The following SPART variants were observed in gnomAD, a reference collection of about 807,000 sequenced individuals.
SPART encodes spastic paraplegia 20 (Troyer syndrome).
SPART carries 35 observed loss-of-function variants against 58.7 expected under a neutral mutation model. That is an observed-to-expected ratio of 0.60 (90% confidence interval 0.46 to 0.79). SPART has a LOEUF of 0.79. Ranked by LOEUF, SPART falls within the 30% of genes least tolerant of loss-of-function variation. SPART has a pLI of 0.00. For missense variants in SPART, 730 were observed against 786.1 expected (o/e 0.93, Z 0.85); for synonymous variants, 284 against 280.7 (o/e 1.01, Z -0.12).
intron 1 of SPART, among the ~76,000 whole-genome samples, chr13:36,342,870 C>T (rs1884711061): frequency 6.6e-6 from 1 of 152,190 alleles, no homozygotes. Flanking sequence ...GCCCATTGTC[C>T]AGTTATCATG....
At position 36,314,318 on chromosome 13, in the gene SPART, T is replaced by G. The variant is rs1449679016; in HGVS notation, c.1392A>C (p.Glu464Asp). 6.2e-7 allele frequency: 1 copy of G among 1,614,206 alleles called. No individual in the cohort carries two copies. The change falls in exon 6 of 9, where the codon GAA becomes GAC. Residue 464 changes from glutamate (E) to aspartate (D), a missense_variant. By Grantham distance (45) the Glu-to-Asp change is conservative (BLOSUM62 2). Transcript: ENST00000438666. ...CAGCTGGACTAACTTCCACGGGTTT[T>G]TCTTCTGGTTGAATCCGCTCTCGGA... ...SKLRERIQPE[E>D]KPVEVSPAVT... is the part of the protein sequence containing the mutation.
At chr13:36,364,443 A>G (rs1885981456) in intron 1 of SPART, among the ~76,000 whole-genome samples, 1 of 152,094 alleles carries the variant, frequency 6.6e-6, no homozygotes, top group Non-Finnish European at 1.5e-5. Context: ...ACCTCCACAT[A>G]ATAAAAAGAG....
intron 1 of SPART, chr13:36,365,848 G>A (rs201870150): frequency 4.5e-6 from 1 of 223,430 alleles, no homozygotes; most frequent in Admixed American, 6.1e-5. Flanking sequence ...TTGGAGGTAA[G>A]AGCTCATCTT....
chr13:36,326,627 C>A lies in SPART; in HGVS notation c.1236G>T (p.Lys412Asn), dbSNP rs143131508. The A allele has an allele frequency of 6.2e-7, 1 of 1,613,442 alleles. No individual in the cohort carries two copies. Among genetic ancestry groups the A allele is most frequent in the East Asian group, 2.2e-5 (1 of 44,772 alleles). ...CACTCCATTCAGGTAATTCTTTTGG[C>A]TTTTCTTCTGGAACTGGCTCACATG... Reference protein sequence around the residue: ...IVPCEPVPEEKPKELPEWSEK... With the variant: ...IVPCEPVPEENPKELPEWSEK... Residue 412 changes from lysine (K) to asparagine (N), a missense_variant, in exon 5 of 9, where the codon AAG (lysine) becomes AAT (asparagine). Coordinates refer to ENST00000438666, the MANE Select transcript of SPART (RefSeq NM_015087.5).
intron 1 of SPART, among the ~76,000 whole-genome samples, chr13:36,342,395 A>C (rs1884665155): frequency 6.6e-6 from 1 of 152,242 alleles, no homozygotes; most frequent in Non-Finnish European, 1.5e-5. Context: ...AACAGAGATC[A>C]TACATGGCCC....
intron 1 of SPART, among the ~76,000 whole-genome samples, chr13:36,356,291 G>C (rs1885619556): frequency 6.6e-6 from 1 of 152,210 alleles, no homozygotes; most frequent in South Asian, 2.1e-4. Context: ...ACTCTGCTTG[G>C]AGTCTGTAAG....
intron 6 of SPART, among the ~76,000 whole-genome samples, chr13:36,312,960 T>C (rs1881286017): frequency 6.6e-6 from 1 of 151,982 alleles, no homozygotes; most frequent in African/African-American, 2.4e-5. Flanking sequence ...CTCAGTTATC[T>C]CGGTGAATAA....
rs1458673409 is a variant in SPART, at chr13:36,361,121, TTTC to T, written c.-3+8965_-3+8967del. Among the ~76,000 whole-genome samples the T allele has an allele frequency of 8.5e-5, 13 of 152,304 alleles. 1 individual carries two copies. In the South Asian group the frequency reaches 2.1e-3, roughly 24 times the overall value. On this transcript the variant is annotated intron_variant, in intron 1 of 8. Transcript: ENST00000355182. The stretch of plus-strand genomic sequence containing the variant: ...TTTCAACATTAATATAATGTAACTG[TTTC>T]CAGGTGGAAGCAAACCAACTTATAT...
chr13:36,366,737 C>A (rs563126477), intron 1 of SPART, among the ~76,000 whole-genome samples: 1 of 152,306 alleles, frequency 6.6e-6, no homozygotes, highest in East Asian at 1.9e-4. Context: ...CTTTGCCCTT[C>A]CTTCTTGCCT....
At chr13:36,314,138 C>A in intron 6 of SPART, 89 bp downstream of exon 6, 1 of 1,289,566 alleles carries the variant, frequency 7.8e-7, no homozygotes, top group Non-Finnish European at 1.1e-6. Context: ...TGAGATTAAA[C>A]CATCTAAATG....
chr13:36,342,643 T>C (rs542183464), intron 1 of SPART, among the ~76,000 whole-genome samples: 3 of 152,138 alleles, frequency 2.0e-5, no homozygotes, highest in African/African-American at 7.2e-5. Flanking sequence ...ACCAAAAACG[T>C]CTCCAGACAT....
upstream of SPART, among the ~76,000 whole-genome samples, chr13:36,350,357 T>G (rs1885362716): frequency 1.3e-5 from 2 of 152,218 alleles, no homozygotes; most frequent in African/African-American, 4.8e-5. Context: ...AATTACATGG[T>G]GGACACTGAC....
chr13:36,312,569 T>A, intron 6 of SPART, 92 bp from the exon 7 acceptor site: 1 of 1,287,558 alleles, frequency 7.8e-7, no homozygotes, highest in Non-Finnish European at 1.1e-6. Flanking sequence ...AATGAACATC[T>A]AAATTGTTTT....
intron 1 of SPART, among the ~76,000 whole-genome samples, chr13:36,341,281 G>A (rs893352333): frequency 6.6e-6 from 1 of 152,136 alleles, no homozygotes; most frequent in Non-Finnish European, 1.5e-5. Flanking sequence ...TGTAATGCAA[G>A]CCACATATGT....
At position 36,335,633 on chromosome 13, in the gene SPART, G is replaced by A. The variant is rs1484016319; in HGVS notation, c.198C>T (p.His66=). The change falls in exon 2 of 9, where the codon CAC becomes CAT. Residue 66 remains histidine, a synonymous_variant. Coordinates refer to ENST00000438666, the MANE Select transcript of SPART (RefSeq NM_015087.5). The part of the protein sequence containing the change: ...GISISSKESE[H]TGPGWESARQ... ...TAGCAGATTCCCACCCAGGACCTGT[G>A]TGTTCAGACTCTTTTGATGAAATGC... The A allele has an allele frequency of 4.3e-6, 7 of 1,613,974 alleles. No individual in the cohort carries two copies. The highest frequency in any genetic ancestry group is 5.1e-6 in the Non-Finnish European group (6 of 1,180,024).
chr13:36,338,426 C>T (rs528225135), intron 1 of SPART, among the ~76,000 whole-genome samples: 15 of 152,222 alleles, frequency 9.9e-5, no homozygotes, highest in South Asian at 2.1e-4. Context: ...GCTGCACTTA[C>T]GTCACATCAA....
chr13:36,314,317 T>C lies in SPART; in HGVS notation c.1393A>G (p.Lys465Glu). 6.2e-7 allele frequency: 1 copy of C among 1,614,178 alleles called. No individual in the cohort carries two copies. Among genetic ancestry groups the C allele is most frequent in the Non-Finnish European group, 8.5e-7 (1 of 1,180,034 alleles). ...KLRERIQPEEKPVEVSPAVTK... is the reference protein window; with the variant it reads ...KLRERIQPEEEPVEVSPAVTK... ...ACAGCTGGACTAACTTCCACGGGTTTTTCTTCTGGTTGAATCCGCTCTCGG... is the reference window on the plus strand; with the variant it reads ...ACAGCTGGACTAACTTCCACGGGTTCTTCTTCTGGTTGAATCCGCTCTCGG... Residue 465 changes from lysine to glutamate, a missense_variant, in exon 6 of 9, where the codon AAA becomes GAA. Physicochemically the swap from Lys to Glu is moderately conservative, Grantham distance 56 (BLOSUM62 1). Coordinates refer to ENST00000438666, the MANE Select transcript of SPART (RefSeq NM_015087.5).
At chr13:36,328,462 C>T (rs1274157041) in intron 4 of SPART, among the ~76,000 whole-genome samples, 1 of 152,166 alleles carries the variant, frequency 6.6e-6, no homozygotes, top group Non-Finnish European at 1.5e-5. Context: ...GTTATAATGT[C>T]CTGTAGGAGG....
intron 8 of SPART, among the ~76,000 whole-genome samples, chr13:36,305,478 A>G (rs1880430409): frequency 6.6e-6 from 1 of 152,158 alleles, no homozygotes; most frequent in Non-Finnish European, 1.5e-5. Flanking sequence ...GTCCTTTAAC[A>G]TATCCTAAAC....
Sources: gnomAD v4.1 joint callset for allele counts (sites outside exome capture counted in the v4.1 genomes callset) on GRCh38, gnomAD v4.1.1 for gene constraint, MANE v1.5 for transcripts, NCBI Gene and HGNC (gene_info 2026-07-23, HGNC 2026-07-21) for gene names.